Variants in PLPPR1 observed in about 807,000 individuals in gnomAD.
PLPPR1 encodes the protein phospholipid phosphatase-related protein type 1.
Under a neutral mutation model 33.1 loss-of-function variants are expected in PLPPR1, and 10 were observed. The ratio of observed to expected loss-of-function variants is 0.30; its 90% CI spans 0.19 to 0.51. PLPPR1 has a LOEUF of 0.51. PLPPR1 is among the 20% of genes least tolerant of loss of function. The pLI is 0.97. For synonymous variants in PLPPR1, 151 were observed against 151.0 expected, an observed-to-expected ratio of 1.00 and a Z score of 0.00; for missense variants, 304 against 408.1, an observed-to-expected ratio of 0.74 and a Z score of 2.20.
At chr9:101,297,183 T>C (rs1828662577) in intron 4 of PLPPR1, among the ~76,000 whole-genome samples, 1 of 152,150 alleles carries the variant, frequency 6.6e-6, no homozygotes, top group Non-Finnish European at 1.5e-5. Flanking sequence ...ATCATGAATA[T>C]GTTTACTTTT....
intron 3 of PLPPR1, among the ~76,000 whole-genome samples, chr9:101,271,867 A>G (rs1472552309): frequency 6.6e-6 from 1 of 152,110 alleles, no homozygotes; most frequent in Admixed American, 6.6e-5. Context: ...GTTACTTTTT[A>G]TAATTATAGA....
chr9:101,041,533 A>G (rs1311521770), intron 1 of PLPPR1, among the ~76,000 whole-genome samples: 2 of 152,176 alleles, frequency 1.3e-5, no homozygotes, highest in African/African-American at 4.8e-5. Flanking sequence ...AAATCTAGCT[A>G]TCTTGGGATC....
intron 2 of PLPPR1, among the ~76,000 whole-genome samples, chr9:101,226,909 G>A (rs2118806324): frequency 6.6e-6 from 1 of 152,228 alleles, no homozygotes; most frequent in Non-Finnish European, 1.5e-5. Context: ...TTCTATTAAT[G>A]GAGACATATG....
intron 1 of PLPPR1, among the ~76,000 whole-genome samples, chr9:101,183,779 T>A (rs1208651161): frequency 6.6e-6 from 1 of 151,128 alleles, no homozygotes; most frequent in Non-Finnish European, 1.5e-5. Flanking sequence ...AAAATGAAAA[T>A]AGAGGGGAAT....
chr9:101,162,533 A>G (rs1260999182), intron 1 of PLPPR1, among the ~76,000 whole-genome samples: 2 of 152,216 alleles, frequency 1.3e-5, no homozygotes, highest in Non-Finnish European at 2.9e-5. Flanking sequence ...TGCCAACAGC[A>G]TATGTACACA....
rs112025294 is a variant in PLPPR1, at chr9:101,205,373, A to G, written c.63+19816A>G. On this transcript the variant is annotated intron_variant, in intron 2 of 7. Transcript: ENST00000374874. ...GAGAAAAACTATTTTAGAGAAGCTC[A>G]TATGATGTTTTTGAAAAATCTCTTC... Among the ~76,000 whole-genome samples, 334 of 152,320 alleles carry G rather than the reference A, an allele frequency of 2.2e-3. 2 individuals are homozygous for G. Among genetic ancestry groups the G allele is most frequent in the African/African-American group, 7.0e-3 (291 of 41,574 alleles).
At chr9:101,070,458 G>A (rs756885003) in intron 1 of PLPPR1, among the ~76,000 whole-genome samples, 1 of 151,914 alleles carries the variant, frequency 6.6e-6, no homozygotes, top group Non-Finnish European at 1.5e-5. Flanking sequence ...AGGAAGAATG[G>A]CACATAAAGG....
At chr9:101,275,052 T>C (rs944766914) in intron 3 of PLPPR1, among the ~76,000 whole-genome samples, 2 of 152,218 alleles carry the variant, frequency 1.3e-5, no homozygotes, top group Non-Finnish European at 2.9e-5. Flanking sequence ...CTGTGCCGGA[T>C]TAAGTGTTTC....
At chr9:101,252,840 T>C (rs762524411) in intron 2 of PLPPR1, among the ~76,000 whole-genome samples, 35 of 152,000 alleles carry the variant, frequency 2.3e-4, no homozygotes, top group African/African-American at 5.8e-4. Flanking sequence ...ATTTGTTCCA[T>C]GTGGCATGAT....
intron 2 of PLPPR1, among the ~76,000 whole-genome samples, chr9:101,226,633 C>G (rs1458685589): frequency 6.6e-6 from 1 of 152,058 alleles, no homozygotes; most frequent in Non-Finnish European, 1.5e-5. Context: ...TATAAAGAAA[C>G]TAATCCCATT....
At chr9:101,304,044 C>G (rs1226399624) in intron 4 of PLPPR1, among the ~76,000 whole-genome samples, 1 of 151,984 alleles carries the variant, frequency 6.6e-6, no homozygotes, top group Non-Finnish European at 1.5e-5. Flanking sequence ...TTTTTTTATT[C>G]TCACTGCATT....
intron 2 of PLPPR1, among the ~76,000 whole-genome samples, chr9:101,230,862 T>C (rs1827169525): frequency 6.6e-6 from 1 of 151,802 alleles, no homozygotes; most frequent in Non-Finnish European, 1.5e-5. Flanking sequence ...TTCTCTGCTC[T>C]GAATTTGCAG....
At chr9:101,250,217 T>A (rs1179483337) in intron 2 of PLPPR1, among the ~76,000 whole-genome samples, 2 of 152,074 alleles carry the variant, frequency 1.3e-5, no homozygotes, top group Non-Finnish European at 2.9e-5. Flanking sequence ...ACACTGGGAC[T>A]AATTCTGTCA....
intron 1 of PLPPR1, among the ~76,000 whole-genome samples, chr9:101,098,589 AT>A (rs1480518956): frequency 2.6e-5 from 4 of 152,134 alleles, no homozygotes; most frequent in Admixed American, 6.6e-5. Context: ...CAACATGTGA[AT>A]GGTGGGTAAA....
intron 3 of PLPPR1, among the ~76,000 whole-genome samples, chr9:101,282,171 C>T (rs1002826776): frequency 1.3e-5 from 2 of 152,030 alleles, no homozygotes; most frequent in Non-Finnish European, 2.9e-5. Context: ...CTCAAAAAAC[C>T]CTAACAAATC....
chr9:101,180,123 TATATATATATATATATATATACACAC>T (rs1379023730), intron 1 of PLPPR1, among the ~76,000 whole-genome samples: 579 of 42,924 alleles, frequency 0.013, 17 homozygotes, highest in African/African-American at 0.035. Context: ...TATATATATA[TATATATATATATATATATATACACAC>T]ACACACACAC....
At chr9:101,201,303 A>G (rs1215794167) in intron 2 of PLPPR1, among the ~76,000 whole-genome samples, 3 of 152,242 alleles carry the variant, frequency 2.0e-5, no homozygotes, top group African/African-American at 7.2e-5. Flanking sequence ...TGGAGGAGAC[A>G]TATTGAAACC....
intron 4 of PLPPR1, among the ~76,000 whole-genome samples, chr9:101,296,363 A>C (rs1828638223): frequency 6.6e-6 from 1 of 151,704 alleles, no homozygotes; most frequent in South Asian, 2.1e-4. Context: ...ACTGTAAACT[A>C]GTTCAACCAT....
intron 2 of PLPPR1, among the ~76,000 whole-genome samples, chr9:101,211,225 C>G (rs1375860439): frequency 6.6e-6 from 1 of 152,158 alleles, no homozygotes; most frequent in Non-Finnish European, 1.5e-5. Flanking sequence ...CCCTGCCACC[C>G]AGGAGCTGTC....
Sources: allele counts gnomAD v4.1 joint callset (sites outside exome capture counted in the v4.1 genomes callset), GRCh38; gene constraint gnomAD v4.1.1; transcripts MANE v1.5; gene names NCBI Gene and HGNC (gene_info 2026-07-23, HGNC 2026-07-21).